Variants in DRC8 observed in about 807,000 individuals in gnomAD.
DRC8 encodes dynein regulatory complex protein 8.
At chr1:245,020,890 A>G in the DRC8 span, among the ~76,000 whole-genome samples, 1 of 151,684 alleles carries the variant, frequency 6.6e-6, no homozygotes, top group African/African-American at 2.4e-5. Context: ...TTGGCCTCCC[A>G]AAGTGCTGGG....
the DRC8 span, among the ~76,000 whole-genome samples, chr1:245,010,470 T>A: frequency 6.6e-6 from 1 of 152,146 alleles, no homozygotes; most frequent in Non-Finnish European, 1.5e-5. Flanking sequence ...GGGTGCCTGA[T>A]GGCATTTGTT....
chr1:245,052,323 C>T, the DRC8 span, among the ~76,000 whole-genome samples: 1 of 152,264 alleles, frequency 6.6e-6, no homozygotes, highest in Admixed American at 6.5e-5. Context: ...TATGGACTAA[C>T]AGCAGGCAGG....
the DRC8 span, among the ~76,000 whole-genome samples, chr1:245,052,329 G>A: frequency 2.0e-5 from 3 of 152,184 alleles, no homozygotes; most frequent in East Asian, 5.8e-4. Flanking sequence ...CTAACAGCAG[G>A]CAGGATGGAG....
chr1:245,082,113 C>T, the DRC8 span: 45 of 1,612,440 alleles, frequency 2.8e-5, no homozygotes, highest in Non-Finnish European at 3.6e-5. Flanking sequence ...TGGATACATT[C>T]GATTCGAAAA....
chr1:245,051,402 C>T, the DRC8 span, among the ~76,000 whole-genome samples: 1 of 151,946 alleles, frequency 6.6e-6, no homozygotes, highest in Non-Finnish European at 1.5e-5. Context: ...ATCCCCCCCA[C>T]CCAAAAGGAA....
At chr1:245,041,037 A>G in the DRC8 span, among the ~76,000 whole-genome samples, 8,396 of 152,314 alleles carry the variant, frequency 0.055, 789 homozygotes, top group African/African-American at 0.19. Context: ...AGGATAATAC[A>G]TTAGAGAATT....
At chr1:245,090,323 GCCTGAGTGATAATT>G in the DRC8 span, among the ~76,000 whole-genome samples, 1 of 152,220 alleles carries the variant, frequency 6.6e-6, no homozygotes, top group African/African-American at 2.4e-5. Flanking sequence ...GGTCTTTCCT[GCCTGAGTGATAATT>G]CCTGAGTGAT....
chr1:245,035,866 C>CAAAA, the DRC8 span, among the ~76,000 whole-genome samples: 13 of 109,940 alleles, frequency 1.2e-4, no homozygotes, highest in East Asian at 1.1e-3. Context: ...GACTCTGTCT[C>CAAAA]AAAAAAAAAA....
the DRC8 span, among the ~76,000 whole-genome samples, chr1:244,983,609 G>A: frequency 6.6e-6 from 1 of 151,724 alleles, no homozygotes; most frequent in Non-Finnish European, 1.5e-5. Context: ...TTGTGGTGGC[G>A]CATGCTTGTA....
chr1:245,017,750 C>A, the DRC8 span, among the ~76,000 whole-genome samples: 2 of 151,922 alleles, frequency 1.3e-5, no homozygotes, highest in African/African-American at 4.8e-5. Flanking sequence ...TGACACACTC[C>A]CCCTGTAAAA....
chr1:245,010,913 C>G, the DRC8 span, among the ~76,000 whole-genome samples: 1 of 151,952 alleles, frequency 6.6e-6, no homozygotes, highest in Non-Finnish European at 1.5e-5. Flanking sequence ...GATCTTCTAA[C>G]CTCTTGATCT....
the DRC8 span, chr1:245,123,097 A>G: frequency 2.0e-5 from 3 of 152,192 alleles, no homozygotes; most frequent in Non-Finnish European, 4.4e-5. The surrounding 1 kb of genome is among the most constrained non-coding windows in gnomAD (Gnocchi z 5.0). Flanking sequence ...AAGCTCACAA[A>G]TAAAAAGCCT....
the DRC8 span, among the ~76,000 whole-genome samples, chr1:245,116,066 T>A: frequency 6.6e-6 from 1 of 151,808 alleles, no homozygotes; most frequent in Non-Finnish European, 1.5e-5. Context: ...TTTTGTATTT[T>A]TAGTAGAGAC....
chr1:245,013,550 A>T, the DRC8 span, among the ~76,000 whole-genome samples: 2 of 149,000 alleles, frequency 1.3e-5, no homozygotes, highest in Admixed American at 6.7e-5. Context: ...TTGATTATTG[A>T]TTATAATAAT....
At chr1:244,970,638 T>TCCGCCCCGCCCCGCCCCGCCTCTCTCCC in the DRC8 span, 3 of 486,438 alleles carry the variant, frequency 6.2e-6, no homozygotes, top group Non-Finnish European at 6.7e-6. Context: ...GGCCCGCCGC[T>TCCGCCCCGCCCCGCCCCGCCTCTCTCCC]CCGCCCCGCC....
the DRC8 span, among the ~76,000 whole-genome samples, chr1:245,119,682 C>T: frequency 7.4e-5 from 11 of 148,226 alleles, no homozygotes; most frequent in Non-Finnish European, 1.3e-4. Flanking sequence ...GCCTGTAATC[C>T]CAACACTTTG....
the DRC8 span, among the ~76,000 whole-genome samples, chr1:245,069,766 G>A: frequency 2.6e-5 from 4 of 152,196 alleles, no homozygotes; most frequent in African/African-American, 4.8e-5. Flanking sequence ...GATGGGCTGG[G>A]CATGGGGGTG....
chr1:245,087,129 C>T, the DRC8 span: 35 of 1,443,186 alleles, frequency 2.4e-5, no homozygotes, highest in African/African-American at 2.9e-5. Context: ...CTCCAGGGAG[C>T]GTAACTAGTG....
the DRC8 span, among the ~76,000 whole-genome samples, chr1:244,996,919 G>C: frequency 6.6e-6 from 1 of 152,078 alleles, no homozygotes. Context: ...CAAAATCCAC[G>C]GATGCTGAAG....
Sources: allele counts gnomAD v4.1 joint callset (sites outside exome capture counted in the v4.1 genomes callset), GRCh38; gene constraint gnomAD v4.1.1; non-coding constraint Gnocchi (gnomAD v3.1); transcripts MANE v1.5; gene names NCBI Gene and HGNC (gene_info 2026-07-23, HGNC 2026-07-21).